The following ACAD9 variants were observed in gnomAD, a reference collection of about 807,000 sequenced individuals.
ACAD9 encodes the protein complex I assembly factor ACAD9, mitochondrial.
ACAD9 carries 53 observed loss-of-function variants against 70.2 expected under a neutral mutation model. The observed-to-expected ratio is 0.75, with a 90% confidence interval of 0.61 to 0.95. ACAD9 has a LOEUF of 0.95. Ranked by LOEUF, ACAD9 falls within the 40% of genes least tolerant of loss-of-function variation. ACAD9 has a pLI of 0.00. For synonymous variants in ACAD9, 313 were observed against 312.1 expected, an observed-to-expected ratio of 1.00 and a Z score of -0.03; for missense variants, 777 against 802.8, an observed-to-expected ratio of 0.97 and a Z score of 0.39.
intron 6 of ACAD9, among the ~76,000 whole-genome samples, chr3:128,898,041 G>A (rs936608170): frequency 6.6e-5 from 10 of 152,056 alleles, no homozygotes; most frequent in African/African-American, 1.9e-4. Context: ...ATTTTCAGTA[G>A]AGATGGAGTT....
intron 8 of ACAD9, among the ~76,000 whole-genome samples, 193 bp downstream of exon 8, chr3:128,901,542 G>T (rs1386644825): frequency 6.6e-6 from 1 of 152,180 alleles, no homozygotes; most frequent in African/African-American, 2.4e-5. Context: ...TGTATGGTAA[G>T]GATTAGGAAT....
At chr3:128,906,643 C>G (rs944804624) in intron 12 of ACAD9, among the ~76,000 whole-genome samples, 1 of 152,182 alleles carries the variant, frequency 6.6e-6, no homozygotes, top group Non-Finnish European at 1.5e-5. Context: ...AGGGCTTCAA[C>G]CAGGGCCGGG....
Position 128,902,626 on chromosome 3 carries a change from T to C in ACAD9, c.956T>C (p.Ile319Thr). ...SVVAGLLKRL[I>T]EMTAEYACTR... ...GTGGCTGGGCTGCTCAAGAGATTGATTGGTAGGTAAGTTAGGGACAAGGCC... is the reference window on the plus strand; with the variant it reads ...GTGGCTGGGCTGCTCAAGAGATTGACTGGTAGGTAAGTTAGGGACAAGGCC... Residue 319 changes from isoleucine (I) to threonine (T), a missense_variant and splice_region_variant, in exon 9 of 18, where the codon ATT becomes ACT. Physicochemically the swap from Ile to Thr is moderately conservative, Grantham distance 89. Transcript: ENST00000308982. The surrounding 1 kb of genome is among the most constrained non-coding windows in gnomAD (Gnocchi z 4.0). 15 of 1,613,926 alleles carry C rather than the reference T, an allele frequency of 9.3e-6. No homozygotes were observed. The highest frequency in any genetic ancestry group is 1.3e-5 in the Non-Finnish European group (15 of 1,179,900).
At chr3:128,891,750 C>T (rs1396138687) in intron 2 of ACAD9, among the ~76,000 whole-genome samples, 1 of 152,242 alleles carries the variant, frequency 6.6e-6, no homozygotes, top group African/African-American at 2.4e-5. Flanking sequence ...GAAGAGATGT[C>T]TGCTTCCATT....
intron 12 of ACAD9, 151 bp downstream of exon 12, chr3:128,906,400 G>C: frequency 2.5e-6 from 3 of 1,222,158 alleles, no homozygotes; most frequent in Non-Finnish European, 3.4e-6. Context: ...TCTCCTTCCC[G>C]ACTGCTGCCC....
intron 11 of ACAD9, among the ~76,000 whole-genome samples, 158 bp from the exon 12 acceptor site, chr3:128,905,963 T>C (rs1167868337): frequency 6.6e-6 from 1 of 152,098 alleles, no homozygotes; most frequent in Non-Finnish European, 1.5e-5. Flanking sequence ...CTGGCCAGTG[T>C]GGTCACGGAA....
chr3:128,883,885 C>G (rs191187063), intron 1 of ACAD9, among the ~76,000 whole-genome samples: 1 of 152,276 alleles, frequency 6.6e-6, no homozygotes, highest in East Asian at 1.9e-4. Flanking sequence ...CAAGACTTCT[C>G]TAGAACACTT....
Position 128,896,472 on chromosome 3 carries a change from A to AAAT in ACAD9, c.492_494dup (p.Lys164_Tyr165insTer). On this transcript the variant is annotated stop_gained and inframe_insertion, in exon 5 of 18. Coordinates refer to ENST00000308982, the MANE Select transcript of ACAD9 (RefSeq NM_014049.5). LOFTEE classifies it high-confidence loss of function. ...GGCTGGCACTGAGGAGCAGAAAGCC[A>AAAT]AATACTTGCCTAAACTGGCGTCCGG... 1 of 1,614,238 alleles carries AAAT rather than the reference A, an allele frequency of 6.2e-7. No individual in the cohort carries two copies. The highest frequency in any genetic ancestry group is 8.5e-7 in the Non-Finnish European group (1 of 1,180,044).
chr3:128,887,451 T>C (rs80185795), intron 2 of ACAD9, among the ~76,000 whole-genome samples: 7,454 of 151,186 alleles, frequency 0.049, 375 homozygotes, highest in African/African-American at 0.12. Context: ...ACTAAAAATT[T>C]AAAATATTAG....
At position 128,895,423 on chromosome 3, in the gene ACAD9, T is replaced by C. The variant is rs878951917; in HGVS notation, c.453+7T>C. On this transcript the variant is annotated splice_region_variant and intron_variant, in intron 4 of 17. Coordinates refer to ENST00000308982, the MANE Select transcript of ACAD9 (RefSeq NM_014049.5). ...CCAGGCTATTGGCCTCAAGGTCAGGTATCTGGGGATTCTGTGTGGTGCTCT... is the reference window on the plus strand; with the variant it reads ...CCAGGCTATTGGCCTCAAGGTCAGGCATCTGGGGATTCTGTGTGGTGCTCT... 6.3e-7 allele frequency: 1 copy of C among 1,597,498 alleles called. No individual in the cohort carries two copies. Among genetic ancestry groups the C allele is most frequent in the Non-Finnish European group, 8.5e-7 (1 of 1,171,816 alleles).
At chr3:128,887,866 G>A (rs1217427136) in intron 2 of ACAD9, among the ~76,000 whole-genome samples, 4 of 152,012 alleles carry the variant, frequency 2.6e-5, no homozygotes, top group Non-Finnish European at 4.4e-5. Context: ...CAAAGAGGAG[G>A]CTAATCACTG....
Position 128,901,341 on chromosome 3 carries a change from G to T in ACAD9, c.874G>T (p.Gly292Trp). ...VENILGEVGD[G>W]FKVAMNILNS... is the part of the protein sequence containing the mutation. ...AAACATCCTTGGAGAGGTCGGAGATGGGTTTAAGGTGAGTTGCCAGCCACA... is the reference window on the plus strand; with the variant it reads ...AAACATCCTTGGAGAGGTCGGAGATTGGTTTAAGGTGAGTTGCCAGCCACA... Residue 292 changes from glycine to tryptophan, a missense_variant, in exon 8 of 18, where the codon GGG (glycine) becomes TGG (tryptophan). Gly to Trp is a radical substitution (Grantham distance 184). Coordinates refer to ENST00000308982, the MANE Select transcript of ACAD9 (RefSeq NM_014049.5). The T allele has an allele frequency of 6.2e-7, 1 of 1,614,186 alleles. No individual in the cohort carries two copies. Among genetic ancestry groups the T allele is most frequent in the South Asian group, 1.1e-5 (1 of 91,090 alleles).
rs2107641227 is a variant in ACAD9 at position 128,884,664 on chromosome 3, C to T, written c.162C>T (p.Phe54=). ...TTTACTATTTTTAGAAAGAAGTTTT[C>T]CCATTTCCAGAAGTTAGCCAAGATG... ...FLGKIKKKEV[F]PFPEVSQDEL... Residue 54 remains phenylalanine, a synonymous_variant, in exon 2 of 18, where the codon TTC becomes TTT. Coordinates refer to ENST00000308982, the MANE Select transcript of ACAD9 (RefSeq NM_014049.5). 6.2e-7 allele frequency: 1 copy of T among 1,610,388 alleles called. No homozygotes were observed. The highest frequency in any genetic ancestry group is 1.1e-5 in the South Asian group (1 of 90,290).
chr3:128,903,578 C>T (rs1935805037), intron 9 of ACAD9, among the ~76,000 whole-genome samples: 1 of 152,184 alleles, frequency 6.6e-6, no homozygotes, highest in Non-Finnish European at 1.5e-5. Flanking sequence ...TAGAGCTCAG[C>T]ACTTTGTCAC....
At position 128,909,356 on chromosome 3, in the gene ACAD9, A is replaced by T; in HGVS notation, c.1498A>T (p.Lys500Ter). The T allele has an allele frequency of 6.2e-7, 1 of 1,614,198 alleles. No homozygotes were observed. The highest frequency in any genetic ancestry group is 1.1e-5 in the South Asian group (1 of 91,086). ...VHPSLADSAN[K>*]FEENTYCFGR... Reference sequence around the variant, plus strand: ...TCTTGGTTAATAGGACAGTGCCAACAAGTTTGAGGAGAACACCTACTGCTT... The same window carrying T: ...TCTTGGTTAATAGGACAGTGCCAACTAGTTTGAGGAGAACACCTACTGCTT... Residue 500 changes from lysine (K) to a stop codon, truncating the protein, a stop_gained, in exon 15 of 18, where the codon AAG (lysine) becomes TAG (stop). Coordinates refer to ENST00000308982, the MANE Select transcript of ACAD9 (RefSeq NM_014049.5). LOFTEE classifies it high-confidence loss of function.
rs779674188 is a variant in ACAD9 at position 128,893,505 on chromosome 3, T to G, written c.245-50T>G. ...TAAACACTGTCCTGTTTACTTATATTTGTAGAAACATAGCTTATATTTGTT... is the reference window on the plus strand; with the variant it reads ...TAAACACTGTCCTGTTTACTTATATGTGTAGAAACATAGCTTATATTTGTT... On this transcript the variant is annotated intron_variant, in intron 2 of 17. Coordinates refer to ENST00000308982, the MANE Select transcript of ACAD9 (RefSeq NM_014049.5). 9.3e-6 allele frequency: 13 copies of G among 1,392,632 alleles called. 1 individual carries two copies. The South Asian group carries it at 1.4e-4, about 15-fold the overall frequency. The allele number at this position is 1,392,632 out of a possible 1,614,324, so 86.3% of individuals were successfully genotyped here. A position where few individuals can be genotyped will look rare whatever the true frequency, so the allele number is the denominator to read the frequency against.
intron 9 of ACAD9, among the ~76,000 whole-genome samples, chr3:128,903,143 T>C (rs192033269): frequency 1.0e-3 from 152 of 152,304 alleles, no homozygotes; most frequent in South Asian, 5.8e-3. Context: ...CATTTTCCTT[T>C]GCCAGTGAAC....
At chr3:128,891,280 A>G (rs1032633789) in intron 2 of ACAD9, among the ~76,000 whole-genome samples, 1 of 152,066 alleles carries the variant, frequency 6.6e-6, no homozygotes. Context: ...TTCACTTTTC[A>G]TGATGTGCAG....
chr3:128,881,255 A>G (rs1444627356), intron 1 of ACAD9, among the ~76,000 whole-genome samples: 1 of 152,218 alleles, frequency 6.6e-6, no homozygotes, highest in African/African-American at 2.4e-5. Flanking sequence ...ATCCAGCAGC[A>G]TGGTGAAGAA....
Sources: gnomAD v4.1 joint callset for allele counts (sites outside exome capture counted in the v4.1 genomes callset) on GRCh38, gnomAD v4.1.1 for gene constraint, Gnocchi (gnomAD v3.1) non-coding constraint, MANE v1.5 for transcripts, NCBI Gene and HGNC (gene_info 2026-07-23, HGNC 2026-07-21) for gene names.